Variants in NSUN6 observed in about 807,000 individuals in gnomAD.
NSUN6 encodes NOP2/Sun RNA methyltransferase 6.
In NSUN6, 64 loss-of-function variants were observed where a neutral mutation model predicts 58.0. The ratio of observed to expected loss-of-function variants is 1.10; its 90% CI spans 0.90 to 1.36. The LOEUF is 1.36. Among genes scored for constraint, NSUN6 ranks in the 40% most tolerant of loss-of-function variants. The pLI is 0.00. For synonymous variants in NSUN6, 231 were observed against 193.9 expected (o/e 1.19, Z -1.59); for missense variants, 701 against 550.1 (o/e 1.27, Z -2.74).
At chr10:18,647,693 G>C (rs1373891412) in intron 2 of NSUN6, among the ~76,000 whole-genome samples, 1 of 145,774 alleles carries the variant, frequency 6.9e-6, no homozygotes, top group African/African-American at 2.5e-5. Flanking sequence ...TTAATTTCCT[G>C]GTTTTATAAA....
intron 3 of NSUN6, among the ~76,000 whole-genome samples, chr10:18,635,084 T>A (rs923393414): frequency 6.6e-6 from 1 of 152,190 alleles, no homozygotes; most frequent in African/African-American, 2.4e-5. Flanking sequence ...GATTTTGGTA[T>A]GTGCTACGCA....
intron 3 of NSUN6, among the ~76,000 whole-genome samples, chr10:18,637,650 G>A (rs1419346757): frequency 6.6e-6 from 1 of 152,194 alleles, no homozygotes; most frequent in Non-Finnish European, 1.5e-5. Context: ...CTGCAGACAT[G>A]CTTATGCAAG....
At position 18,591,764 on chromosome 10, in the gene NSUN6, C is replaced by T. The variant is rs565475079; in HGVS notation, c.777+4444G>A. Among the ~76,000 whole-genome samples, 5 of 152,250 alleles carry T rather than the reference C, an allele frequency of 3.3e-5. No individual in the cohort carries two copies. In the East Asian group the frequency reaches 7.7e-4, roughly 24 times the overall value. On this transcript the variant is annotated intron_variant, in intron 7 of 10. Coordinates refer to ENST00000377304, the MANE Select transcript of NSUN6 (RefSeq NM_182543.5). ...TGACAAACCCGTAGCCAACATCATA[C>T]CGAATGGGCAAAAGCTGGAAGCATT...
intron 4 of NSUN6, 62 bp downstream of exon 4, chr10:18,616,122 C>A: frequency 2.1e-6 from 2 of 966,208 alleles, no homozygotes; most frequent in Non-Finnish European, 3.3e-6. Flanking sequence ...AATAAATTTT[C>A]CATTTGAAAA....
intron 8 of NSUN6, among the ~76,000 whole-genome samples, chr10:18,562,991 T>A (rs2055649697): frequency 6.9e-6 from 1 of 144,442 alleles, no homozygotes; most frequent in South Asian, 2.2e-4. Context: ...GAGAATGGAA[T>A]GGAAAATGTA....
At chr10:18,621,939 T>G (rs1590098562) in intron 3 of NSUN6, among the ~76,000 whole-genome samples, 1 of 152,200 alleles carries the variant, frequency 6.6e-6, no homozygotes, top group East Asian at 1.9e-4. Flanking sequence ...GCAGCAGGAC[T>G]GCCACCTTTA....
chr10:18,626,368 C>T (rs561136324), intron 3 of NSUN6, among the ~76,000 whole-genome samples: 2 of 151,998 alleles, frequency 1.3e-5, no homozygotes, highest in South Asian at 2.1e-4. Context: ...GGCGAGACCC[C>T]ATCTCAAAAC....
At chr10:18,584,353 G>A (rs928071382) in intron 8 of NSUN6, among the ~76,000 whole-genome samples, 10 of 152,150 alleles carry the variant, frequency 6.6e-5, no homozygotes, top group Non-Finnish European at 1.3e-4. Context: ...ACATATAAAC[G>A]CAGGATGCTG....
intron 2 of NSUN6, among the ~76,000 whole-genome samples, chr10:18,645,682 T>C (rs994921377): frequency 5.3e-5 from 8 of 152,258 alleles, no homozygotes; most frequent in Admixed American, 1.3e-4. Context: ...AGTGCTGCTA[T>C]GAACATTCAT....
intron 6 of NSUN6, among the ~76,000 whole-genome samples, chr10:18,600,942 ATAT>A (rs1421556200): frequency 7.0e-5 from 3 of 42,800 alleles, no homozygotes; most frequent in South Asian, 9.3e-4. Context: ...AAAAAAAAAA[ATAT>A]ATATATATAT....
At chr10:18,555,042 GGAATGGAATGGA>G (rs1336705952) in intron 8 of NSUN6, among the ~76,000 whole-genome samples, 2 of 148,004 alleles carry the variant, frequency 1.4e-5, no homozygotes, top group African/African-American at 2.5e-5. Flanking sequence ...AATGGAGAAT[GGAATGGAATGGA>G]GAATGGAATG....
chr10:18,659,038 CACTT>C (rs1466089509), upstream of NSUN6, among the ~76,000 whole-genome samples: 7 of 152,198 alleles, frequency 4.6e-5, no homozygotes, highest in Non-Finnish European at 8.8e-5. Flanking sequence ...GGCGGCTGCT[CACTT>C]AGAGAACCTA....
intron 6 of NSUN6, among the ~76,000 whole-genome samples, chr10:18,604,879 C>T (rs951715607): frequency 6.7e-6 from 1 of 148,894 alleles, no homozygotes; most frequent in African/African-American, 2.5e-5. Flanking sequence ...GAGCAAGACT[C>T]TTTCTTTTTT....
At chr10:18,657,284 C>T (rs2059787790), upstream of NSUN6, among the ~76,000 whole-genome samples, 1 of 151,926 alleles carries the variant, frequency 6.6e-6, no homozygotes, top group Admixed American at 6.6e-5. Context: ...TTTTAGATTT[C>T]CAAATCAGCA....
Position 18,629,436 on chromosome 10 carries a change from TC to T in NSUN6, c.311+13039del, listed in dbSNP as rs1360876780. 1.2e-4 allele frequency among the ~76,000 whole-genome samples: 18 copies of T among 151,076 alleles called. No homozygotes were observed. The East Asian group carries it at 2.0e-3, about 16-fold the overall frequency. On this transcript the variant is annotated intron_variant, in intron 3 of 10. Transcript: ENST00000377304. ...CTTTAAATGTAAATGGACTAAATGC[TC>T]CAATTAAAAGACACAGACTGGCAAA...
At chr10:18,546,331 A>G (rs1379488573) in intron 10 of NSUN6, among the ~76,000 whole-genome samples, 186 bp from the exon 11 acceptor site, 2 of 152,230 alleles carry the variant, frequency 1.3e-5, no homozygotes, top group Non-Finnish European at 2.9e-5. Context: ...GTAGGAAAGC[A>G]ATACTATGCG....
chr10:18,656,878 G>C (rs2059783806), upstream of NSUN6, among the ~76,000 whole-genome samples: 1 of 136,638 alleles, frequency 7.3e-6, no homozygotes. Flanking sequence ...CCAGGCTGGA[G>C]TCCAGATGCA....
chr10:18,627,531 T>A (rs1423519071), intron 3 of NSUN6, among the ~76,000 whole-genome samples: 1 of 152,132 alleles, frequency 6.6e-6, no homozygotes, highest in Admixed American at 6.5e-5. Context: ...TGCCAGACAG[T>A]GGGCGCAGGT....
intron 3 of NSUN6, among the ~76,000 whole-genome samples, chr10:18,636,391 T>C (rs530937852): frequency 1.2e-3 from 175 of 147,752 alleles, no homozygotes; most frequent in Non-Finnish European, 2.1e-3. Flanking sequence ...CCGGCCATGG[T>C]GGCTGGCACT....
Sources: gnomAD v4.1 joint callset for allele counts (sites outside exome capture counted in the v4.1 genomes callset) on GRCh38, gnomAD v4.1.1 for gene constraint, MANE v1.5 for transcripts, NCBI Gene and HGNC (gene_info 2026-07-23, HGNC 2026-07-21) for gene names.